The following DZIP1 variants were observed in gnomAD, a reference collection of about 807,000 sequenced individuals.
The protein encoded by DZIP1 is cilium assembly protein DZIP1.
Under a neutral mutation model 107.6 loss-of-function variants are expected in DZIP1, and 97 were observed. That is an observed-to-expected ratio of 0.90 (90% confidence interval 0.77 to 1.07). The LOEUF (loss-of-function observed/expected upper bound fraction) is 1.07, where lower values mean the gene tolerates loss of function less well. Ranked by LOEUF, DZIP1 falls within the 50% of genes least tolerant of loss-of-function variation. The probability of loss-of-function intolerance (pLI) is 0.00; values close to 1 mark genes in which losing one functional copy is unlikely to be tolerated. For synonymous variants in DZIP1, 390 were observed against 386.4 expected, an observed-to-expected ratio of 1.01 and a Z score of -0.11; for missense variants, 1,035 against 1,063.6, an observed-to-expected ratio of 0.97 and a Z score of 0.37.
chr13:95,642,759 G>C (rs1382585963), intron 3 of DZIP1, among the ~76,000 whole-genome samples: 1 of 152,152 alleles, frequency 6.6e-6, no homozygotes, highest in Non-Finnish European at 1.5e-5. Flanking sequence ...TCTCAATAAA[G>C]TTGTTTTTTA....
rs1376908607 is a variant in DZIP1 at position 95,641,859 on chromosome 13, CG to C, written c.37-5del. The C allele has an allele frequency of 2.8e-6, 3 of 1,088,314 alleles. No individual in the cohort carries two copies. Among genetic ancestry groups the C allele is most frequent in the Admixed American group, 4.8e-5 (1 of 20,620 alleles). 67.4% of individuals were successfully genotyped at this position (1,088,314 alleles called of 1,614,324 possible). ...AGTAGACATGCTTCTGGAAGGGCTG[CG>C]GGGGGCACAAAGAGAGCGCGGCGGG... On this transcript the variant is annotated splice_region_variant and splice_polypyrimidine_tract_variant and intron_variant, in intron 4 of 22. Transcript: ENST00000376829. The surrounding 1 kb of genome is among the most constrained non-coding windows in gnomAD (Gnocchi z 4.3).
intron 21 of DZIP1, 137 bp downstream of exon 21, chr13:95,585,869 G>C: frequency 1.2e-6 from 1 of 826,006 alleles, no homozygotes; most frequent in Non-Finnish European, 1.8e-6. Flanking sequence ...GCAATACTGA[G>C]AACAAGAAAG....
intron 6 of DZIP1, among the ~76,000 whole-genome samples, chr13:95,632,257 C>T (rs1194542648): frequency 6.6e-6 from 1 of 152,134 alleles, no homozygotes; most frequent in Non-Finnish European, 1.5e-5. Context: ...GTACCCCCAC[C>T]TGCATGTCTG....
intron 5 of DZIP1, among the ~76,000 whole-genome samples, chr13:95,634,549 G>A (rs192727623): frequency 6.6e-6 from 1 of 152,184 alleles, no homozygotes; most frequent in African/African-American, 2.4e-5. Context: ...TGAGAAAAAA[G>A]AAGTCAATTC....
intron 12 of DZIP1, among the ~76,000 whole-genome samples, chr13:95,610,105 T>TGAGAGAGA (rs1214599623): frequency 3.4e-5 from 4 of 119,026 alleles, no homozygotes; most frequent in African/African-American, 1.4e-4. Context: ...TGTGTGTGTG[T>TGAGAGAGA]GTGTGTGAGA....
At chr13:95,638,559 T>C (rs1878096664) in intron 5 of DZIP1, among the ~76,000 whole-genome samples, 1 of 152,232 alleles carries the variant, frequency 6.6e-6, no homozygotes. Flanking sequence ...TTTTAATTTT[T>C]CTGCATTTTA....
chr13:95,618,793 A>G (rs1477056239), intron 10 of DZIP1, among the ~76,000 whole-genome samples: 5 of 152,222 alleles, frequency 3.3e-5, no homozygotes, highest in African/African-American at 1.2e-4. Flanking sequence ...GAAAATGTGC[A>G]AAAGAGGAAA....
At chr13:95,586,500 T>TA (rs1391916127) in intron 20 of DZIP1, among the ~76,000 whole-genome samples, 2 of 152,136 alleles carry the variant, frequency 1.3e-5, no homozygotes, top group Non-Finnish European at 2.9e-5. Context: ...GTGCCTGGCC[T>TA]AAAGTTTACA....
chr13:95,599,539 T>C (rs1232100419), intron 14 of DZIP1, 115 bp from the exon 15 acceptor site: 10 of 892,882 alleles, frequency 1.1e-5, no homozygotes, highest in Middle Eastern at 3.3e-4. Flanking sequence ...CATGCCTGAA[T>C]AGCAAGAATT....
In DZIP1 at chr13:95,599,363, A is replaced by G. The variant is rs1162936884; in HGVS notation, c.1537+2T>C. 17 of 1,613,208 alleles carry G rather than the reference A, an allele frequency of 1.1e-5. No individual in the cohort carries two copies. The East Asian group carries it at 3.8e-4, about 36-fold the overall frequency. ...GGTAAACCTGATCAAGCCCTTTGTT[A>G]CCTTTTTCTTCCTCTGAAAGTTCTT... On this transcript the variant is annotated splice_donor_variant, in intron 15 of 22. Coordinates refer to ENST00000376829, the MANE Select transcript of DZIP1 (RefSeq NM_198968.4). LOFTEE classifies it high-confidence loss of function.
At position 95,643,668 on chromosome 13, in the gene DZIP1, T is replaced by A. The variant is rs1487262690; in HGVS notation, c.-495A>T. ...GGATCAGCGGGAACAAGAGCTGTGG[T>A]CTCTCTTGCTCAAGTATACGTCCCT... On this transcript the variant is annotated 5_prime_UTR_variant, in exon 2 of 23. Transcript: ENST00000376829. 1 of 152,594 alleles carries A rather than the reference T, an allele frequency of 6.6e-6. No individual in the cohort carries two copies. Among genetic ancestry groups the A allele is most frequent in the Non-Finnish European group, 1.5e-5 (1 of 68,056 alleles). 9.5% of individuals were successfully genotyped at this position (152,594 alleles called of 1,614,324 possible). A position where few individuals can be genotyped will look rare whatever the true frequency, so the allele number is the denominator to read the frequency against.
chr13:95,634,073 C>T (rs1044124058), intron 5 of DZIP1, among the ~76,000 whole-genome samples: 2 of 152,180 alleles, frequency 1.3e-5, no homozygotes, highest in Admixed American at 6.5e-5. Context: ...AGACTGACAG[C>T]TTCCACTCTA....
intron 15 of DZIP1, among the ~76,000 whole-genome samples, chr13:95,595,022 A>G (rs1246716939): frequency 2.0e-5 from 3 of 152,222 alleles, no homozygotes; most frequent in Non-Finnish European, 2.9e-5. Flanking sequence ...ACTGACTGTC[A>G]AAAGCCTGAT....
intron 6 of DZIP1, chr13:95,630,693 T>G: frequency 1.6e-6 from 2 of 1,215,970 alleles, no homozygotes; most frequent in Middle Eastern, 2.3e-4. Context: ...AAAGGAAGAA[T>G]ACTTATGTAC....
In DZIP1 at chr13:95,578,491, T is replaced by G. The variant is rs936299685; in HGVS notation, c.*3743A>C. ...ATGTTACTGGCTGCACACAGGCAAA[T>G]TCTAGTTTGTTTTTTTTAAGTATTC... On this transcript the variant is annotated 3_prime_UTR_variant, in exon 23 of 23. Coordinates refer to ENST00000376829, the MANE Select transcript of DZIP1 (RefSeq NM_198968.4). The G allele has an allele frequency of 3.3e-5, 5 of 152,178 alleles. No homozygotes were observed. Among genetic ancestry groups the G allele is most frequent in the African/African-American group, 1.2e-4 (5 of 41,436 alleles). The allele number at this position is 152,178 out of a possible 1,614,324, so 9.4% of individuals were successfully genotyped here.
intron 5 of DZIP1, among the ~76,000 whole-genome samples, chr13:95,639,235 T>A (rs1219310619): frequency 3.3e-5 from 5 of 152,164 alleles, no homozygotes; most frequent in Non-Finnish European, 1.5e-5. Flanking sequence ...AAGTAGTAGG[T>A]GTCACTCATT....
Position 95,641,773 on chromosome 13 carries a change from G to A in DZIP1, c.119C>T (p.Ala40Val), listed in dbSNP as rs1285242780. ...DVAVAAAAAG[A>V]ASMACAPPSA... is the part of the protein sequence containing the mutation. Reference sequence around the variant, plus strand: ...GGGGGGCGCACAGGCCATGGAGGCCGCACCCGCGGCGGCGGCGGCCACAGC... The same window carrying A: ...GGGGGGCGCACAGGCCATGGAGGCCACACCCGCGGCGGCGGCGGCCACAGC... Residue 40 changes from alanine (A) to valine (V), a missense_variant, in exon 5 of 23, where the codon GCG (alanine) becomes GTG (valine). Transcript: ENST00000376829. This position sits in a 1 kb window ranked among gnomAD's most constrained non-coding sequence, Gnocchi z 4.3. 1 of 1,549,680 alleles carries A rather than the reference G, an allele frequency of 6.5e-7. No homozygotes were observed. The highest frequency in any genetic ancestry group is 8.6e-7 in the Non-Finnish European group (1 of 1,160,106).
At chr13:95,617,905 T>G in intron 10 of DZIP1, 2 of 518,298 alleles carry the variant, frequency 3.9e-6, no homozygotes, top group Non-Finnish European at 7.7e-6. Flanking sequence ...CAGCCTGGAC[T>G]CGGGGATTGA....
At chr13:95,610,051 G>A (rs2044930386) in intron 12 of DZIP1, among the ~76,000 whole-genome samples, 1 of 123,462 alleles carries the variant, frequency 8.1e-6, no homozygotes, top group Admixed American at 8.4e-5. Flanking sequence ...GTCTTGACTG[G>A]TTTAGTGTGT....
Sources: gnomAD v4.1 joint callset for allele counts (sites outside exome capture counted in the v4.1 genomes callset) on GRCh38, gnomAD v4.1.1 for gene constraint, Gnocchi (gnomAD v3.1) non-coding constraint, MANE v1.5 for transcripts, NCBI Gene and HGNC (gene_info 2026-07-23, HGNC 2026-07-21) for gene names.